EPB41L5: variants seen among roughly 807,000 people sequenced by gnomAD.
EPB41L5 encodes the protein band 4.1-like protein 5.
A neutral mutation model predicts 106.6 loss-of-function variants in EPB41L5; 55 were observed. The ratio of observed to expected loss-of-function variants is 0.52; its 90% CI spans 0.42 to 0.65. The LOEUF is 0.65. Among genes scored for constraint, EPB41L5 ranks in the 30% least tolerant of loss-of-function variants. EPB41L5 has a pLI of 0.00. For missense variants in EPB41L5, 871 were observed against 882.1 expected (o/e 0.99, Z 0.16); for synonymous variants, 297 against 306.7 (o/e 0.97, Z 0.33).
chr2:120,028,521 G>GA (rs906929494), intron 2 of EPB41L5, among the ~76,000 whole-genome samples: 2 of 151,900 alleles, frequency 1.3e-5, no homozygotes, highest in African/African-American at 4.8e-5. Context: ...GGGCAACAGA[G>GA]AAAAAAACAA....
intron 16 of EPB41L5, 69 bp downstream of exon 16, chr2:120,100,883 T>C (rs1684103120): frequency 2.8e-6 from 3 of 1,065,498 alleles, no homozygotes; most frequent in Non-Finnish European, 4.2e-6. Flanking sequence ...CAAGTCATAA[T>C]CTTAAAGTAC....
intron 16 of EPB41L5, among the ~76,000 whole-genome samples, chr2:120,109,318 C>G (rs1221372147): frequency 1.3e-5 from 2 of 152,128 alleles, no homozygotes; most frequent in African/African-American, 2.4e-5. Context: ...TCTATTTGTT[C>G]TCCTACAATG....
intron 3 of EPB41L5, among the ~76,000 whole-genome samples, chr2:120,055,758 C>T (rs944823607): frequency 1.3e-5 from 2 of 152,052 alleles, no homozygotes; most frequent in African/African-American, 4.8e-5. Flanking sequence ...TTGGATTGTT[C>T]ATTGTTAGCA....
At chr2:120,014,582 C>T (rs1677383491) in intron 1 of EPB41L5, among the ~76,000 whole-genome samples, 1 of 152,134 alleles carries the variant, frequency 6.6e-6, no homozygotes, top group African/African-American at 2.4e-5. Context: ...TTTAGACTCA[C>T]AAGTCTGAGA....
chr2:120,075,735 G>T lies in EPB41L5; in HGVS notation c.487G>T (p.Ala163Ser). The change falls in exon 7 of 25, where the codon GCA becomes TCA. Residue 163 changes from alanine to serine, a missense_variant. Coordinates refer to ENST00000263713, the MANE Select transcript of EPB41L5 (RefSeq NM_020909.4). ...TCCCTTTGATACAGCAGTGCAATTG[G>T]CAGCTTATAATCTGCAAGGTAAGCA... ...DCPFDTAVQLAAYNLQAELGD... is the reference protein window; with the variant it reads ...DCPFDTAVQLSAYNLQAELGD... 1 of 1,613,482 alleles carries T rather than the reference G, an allele frequency of 6.2e-7. No homozygotes were observed.
chr2:120,129,464 A>G (rs781109076), intron 17 of EPB41L5, among the ~76,000 whole-genome samples: 9 of 152,232 alleles, frequency 5.9e-5, no homozygotes, highest in African/African-American at 1.2e-4. Context: ...ATCTTAATGC[A>G]GAGTATTTCC....
In EPB41L5 at chr2:120,013,079, C is replaced by T. The variant is rs926315543; in HGVS notation, c.-140C>T. On this transcript the variant is annotated 5_prime_UTR_variant, in exon 1 of 25. Transcript: ENST00000263713. Reference sequence around the variant, plus strand: ...GGGTGGACGGGCGGGAGGTCGGGGTCCTCCGGGGATTAGAGCCGGTGGGCT... The same window carrying T: ...GGGTGGACGGGCGGGAGGTCGGGGTTCTCCGGGGATTAGAGCCGGTGGGCT... 3 of 152,124 alleles carry T rather than the reference C, an allele frequency of 2.0e-5. No individual in the cohort carries two copies. Among genetic ancestry groups the T allele is most frequent in the East Asian group, 1.9e-4 (1 of 5,146 alleles). 9.4% of individuals were successfully genotyped at this position (152,124 alleles called of 1,614,324 possible). A position where few individuals can be genotyped will look rare whatever the true frequency, so the allele number is the denominator to read the frequency against.
In EPB41L5 at chr2:120,016,615, G is replaced by A. The variant is rs1677545720; in HGVS notation, c.-8-2462G>A. ...TACTGTTAAAGGTGTTCGTTTTTAT[G>A]AACATCTTTTAAATTATCTTTTAGG... On this transcript the variant is annotated intron_variant, in intron 1 of 24. Coordinates refer to ENST00000263713, the MANE Select transcript of EPB41L5 (RefSeq NM_020909.4). 2.0e-5 allele frequency among the ~76,000 whole-genome samples: 3 copies of A among 151,870 alleles called. No homozygotes were observed. The South Asian group carries it at 6.2e-4, about 32-fold the overall frequency.
chr2:120,126,373 C>T (rs1685460771), intron 16 of EPB41L5, among the ~76,000 whole-genome samples: 1 of 151,930 alleles, frequency 6.6e-6, no homozygotes, highest in African/African-American at 2.4e-5. Context: ...AATACTTTAC[C>T]CACCCAAAGT....
At chr2:120,061,612 A>G (rs1681085048) in intron 3 of EPB41L5, among the ~76,000 whole-genome samples, 1 of 152,012 alleles carries the variant, frequency 6.6e-6, no homozygotes, top group African/African-American at 2.4e-5. Flanking sequence ...TCGGCCTCCC[A>G]AAGTGTTGGG....
At chr2:120,096,257 C>T (rs567421491) in intron 14 of EPB41L5, among the ~76,000 whole-genome samples, 5 of 151,960 alleles carry the variant, frequency 3.3e-5, no homozygotes, top group South Asian at 4.2e-4. Flanking sequence ...AAAGCCAGTC[C>T]GTGATTAGTG....
chr2:120,028,848 C>A (rs1244571713), intron 2 of EPB41L5, among the ~76,000 whole-genome samples: 1 of 152,056 alleles, frequency 6.6e-6, no homozygotes, highest in African/African-American at 2.4e-5. Context: ...AGTCTGCTGT[C>A]ATGAAGAGAG....
intron 17 of EPB41L5, among the ~76,000 whole-genome samples, chr2:120,130,164 G>A (rs1178862537): frequency 6.6e-6 from 1 of 151,622 alleles, no homozygotes; most frequent in Admixed American, 6.6e-5. Flanking sequence ...AAAAAAAAGG[G>A]TTCCTAAGAG....
At chr2:120,104,264 G>A (rs1684322340) in intron 16 of EPB41L5, 3 of 1,526,824 alleles carry the variant, frequency 2.0e-6, no homozygotes, top group Non-Finnish European at 2.6e-6. Flanking sequence ...TAGGCTTTGG[G>A]ACTCTTTGTC....
At chr2:120,098,083 A>G (rs1043425911) in intron 14 of EPB41L5, among the ~76,000 whole-genome samples, 1 of 151,698 alleles carries the variant, frequency 6.6e-6, no homozygotes, top group Non-Finnish European at 1.5e-5. Flanking sequence ...CATGGTTAGT[A>G]AAAAGAAATT....
At chr2:120,165,988 A>C (rs927806097) in intron 22 of EPB41L5, among the ~76,000 whole-genome samples, 6 of 151,394 alleles carry the variant, frequency 4.0e-5, no homozygotes, top group East Asian at 1.9e-4. Context: ...AAAAAAAAAA[A>C]AAAAAACAGA....
At chr2:120,046,293 T>C (rs1679770394) in intron 3 of EPB41L5, among the ~76,000 whole-genome samples, 1 of 152,196 alleles carries the variant, frequency 6.6e-6, no homozygotes, top group Non-Finnish European at 1.5e-5. Context: ...ATTGTTCCTA[T>C]GTCTCCACTT....
Position 120,134,870 on chromosome 2 carries a change from A to G in EPB41L5, c.1599+3155A>G, listed in dbSNP as rs376908660. 1.3e-3 allele frequency among the ~76,000 whole-genome samples: 194 copies of G among 152,308 alleles called. 13 individuals are homozygous for G. The South Asian group carries it at 0.039, about 31-fold the overall frequency. On this transcript the variant is annotated intron_variant, in intron 18 of 24. Transcript: ENST00000263713. ...ACAAGCCCAGACTGCAGAGATTACA[A>G]TAAATACCCAACTCTTTAATGCCCA...
intron 18 of EPB41L5, among the ~76,000 whole-genome samples, chr2:120,136,342 G>A (rs1416594075): frequency 6.6e-6 from 1 of 151,238 alleles, no homozygotes; most frequent in Non-Finnish European, 1.5e-5. Flanking sequence ...CAGGCAAGAA[G>A]GAAGAGAAGA....
Sources: allele counts gnomAD v4.1 joint callset (sites outside exome capture counted in the v4.1 genomes callset), GRCh38; gene constraint gnomAD v4.1.1; transcripts MANE v1.5; gene names NCBI Gene and HGNC (gene_info 2026-07-23, HGNC 2026-07-21).